The following CDH13 variants were observed in gnomAD, a reference collection of about 807,000 sequenced individuals.
CDH13 encodes the protein cadherin 13.
A neutral mutation model predicts 63.8 loss-of-function variants in CDH13; 24 were observed. The ratio of observed to expected loss-of-function variants is 0.38; its 90% CI spans 0.27 to 0.53. The LOEUF is 0.53. CDH13 is among the 20% of genes least tolerant of loss of function. CDH13 has a pLI of 0.85. For synonymous variants in CDH13, 503 were observed against 355.3 expected (o/e 1.42, Z -4.67); for missense variants, 1,049 against 903.1 (o/e 1.16, Z -2.07).
intron 5 of CDH13, among the ~76,000 whole-genome samples, chr16:83,232,273 T>C (rs2040020686): frequency 7.1e-6 from 1 of 140,902 alleles, no homozygotes; most frequent in African/African-American, 2.6e-5. Context: ...GCCTGTAATC[T>C]GAGTGCCTTG....
At chr16:82,911,367 C>T (rs1287332829) in intron 2 of CDH13, among the ~76,000 whole-genome samples, 1 of 152,150 alleles carries the variant, frequency 6.6e-6, no homozygotes, top group Non-Finnish European at 1.5e-5. Flanking sequence ...CATGCCTCTC[C>T]CCTCATCACA....
intron 7 of CDH13, among the ~76,000 whole-genome samples, chr16:83,531,123 C>G (rs551279194): frequency 2.4e-4 from 36 of 152,318 alleles, no homozygotes; most frequent in African/African-American, 8.2e-4. Context: ...CAACTGCCAC[C>G]ACCATGGTAG....
intron 6 of CDH13, among the ~76,000 whole-genome samples, chr16:83,418,461 G>A (rs2151466670): frequency 6.6e-6 from 1 of 152,172 alleles, no homozygotes; most frequent in Middle Eastern, 3.4e-3. Flanking sequence ...AAAATAAAAT[G>A]TCAGACTTTC....
chr16:83,206,640 A>T (rs1159256840), intron 4 of CDH13, among the ~76,000 whole-genome samples: 3 of 152,268 alleles, frequency 2.0e-5, no homozygotes, highest in African/African-American at 4.8e-5. Context: ...GAATACAATC[A>T]GACGTGGCCA....
intron 4 of CDH13, among the ~76,000 whole-genome samples, chr16:83,205,264 A>T (rs1438847292): frequency 2.0e-5 from 3 of 152,206 alleles, no homozygotes; most frequent in Admixed American, 6.5e-5. Flanking sequence ...GAAATCAGAA[A>T]TTCAGAAAGA....
intron 7 of CDH13, among the ~76,000 whole-genome samples, chr16:83,499,990 A>C (rs1196559797): frequency 1.3e-5 from 2 of 151,924 alleles, no homozygotes; most frequent in African/African-American, 4.8e-5. Flanking sequence ...TTTAGTAGAG[A>C]TGGGGTTTCA....
At chr16:83,684,663 TCTGCCTACACTTTGAATATAGAAG>T (rs1277615358) in intron 10 of CDH13, among the ~76,000 whole-genome samples, 1 of 152,232 alleles carries the variant, frequency 6.6e-6, no homozygotes, top group African/African-American at 2.4e-5. Flanking sequence ...AGCAGAGACT[TCTGCCTACACTTTGAATATAGAAG>T]ATATGTGTTG....
chr16:83,570,059 C>T (rs1287508911), intron 7 of CDH13, among the ~76,000 whole-genome samples: 2 of 152,082 alleles, frequency 1.3e-5, no homozygotes. Context: ...TTAAACTGAT[C>T]ATCATCCATT....
intron 11 of CDH13, among the ~76,000 whole-genome samples, chr16:83,764,725 GCA>G (rs1914248740): frequency 7.2e-6 from 1 of 138,138 alleles, no homozygotes; most frequent in South Asian, 2.6e-4. Flanking sequence ...CTTTACTCTT[GCA>G]TCCTGCCTGC....
At chr16:83,172,911 C>T (rs1156874544) in intron 4 of CDH13, among the ~76,000 whole-genome samples, 1 of 152,086 alleles carries the variant, frequency 6.6e-6, no homozygotes, top group Non-Finnish European at 1.5e-5. Flanking sequence ...GTATAATGAA[C>T]TGAAGTCAAA....
chr16:82,906,843 G>A (rs2041663257), intron 2 of CDH13, among the ~76,000 whole-genome samples: 1 of 152,208 alleles, frequency 6.6e-6, no homozygotes, highest in Non-Finnish European at 1.5e-5. Flanking sequence ...TGCTTCCATT[G>A]TCTCATGACC....
At position 82,809,323 on chromosome 16, in the gene CDH13, A is replaced by C. The variant is rs979908602; in HGVS notation, c.46-49039A>C. On this transcript the variant is annotated intron_variant, in intron 1 of 13. Transcript: ENST00000567109. ...CAAGTTATTTACGTCCAAAAAAAAA[A>C]AATCACTGTAAATGAAAAATGAGTA... Among the ~76,000 whole-genome samples the C allele has an allele frequency of 2.6e-5, 4 of 151,950 alleles. No individual in the cohort carries two copies. In the East Asian group the frequency reaches 7.7e-4, roughly 29 times the overall value.
chr16:82,937,164 G>A (rs1029907158), intron 2 of CDH13, among the ~76,000 whole-genome samples: 39 of 152,230 alleles, frequency 2.6e-4, no homozygotes, highest in Middle Eastern at 3.4e-3. Context: ...GGGTGGTCAC[G>A]CTACTGCTGC....
Position 83,126,212 on chromosome 16 carries a change from C to T in CDH13, c.483+711C>T, listed in dbSNP as rs556343184. On this transcript the variant is annotated intron_variant, in intron 4 of 13. Transcript: ENST00000567109. ...TTCTCAGCAAGGCAATTTACTTCTG[C>T]GGAAGGGTGCTGCTTGTACTTCTGG... Among the ~76,000 whole-genome samples, 117 of 152,258 alleles carry T rather than the reference C, an allele frequency of 7.7e-4. 2 individuals are homozygous for T. In the South Asian group the frequency reaches 0.021, roughly 27 times the overall value.
At chr16:83,162,330 G>A (rs2037483704) in intron 4 of CDH13, among the ~76,000 whole-genome samples, 1 of 152,000 alleles carries the variant, frequency 6.6e-6, no homozygotes, top group Admixed American at 6.6e-5. Flanking sequence ...GATGATGAAA[G>A]CATCATCATG....
At chr16:83,017,323 AC>A (rs531231488) in intron 2 of CDH13, among the ~76,000 whole-genome samples, 109 of 152,202 alleles carry the variant, frequency 7.2e-4, no homozygotes, top group Non-Finnish European at 1.4e-3. Context: ...CCATTTTGAC[AC>A]CTTTTTTAGC....
chr16:83,441,709 A>T (rs190849304), intron 6 of CDH13, among the ~76,000 whole-genome samples: 7 of 152,178 alleles, frequency 4.6e-5, no homozygotes, highest in African/African-American at 1.7e-4. Context: ...AAATGACTTC[A>T]TTTCCCTGAA....
chr16:82,678,300 G>T (rs1293419687), intron 1 of CDH13, among the ~76,000 whole-genome samples: 3 of 147,352 alleles, frequency 2.0e-5, no homozygotes, highest in African/African-American at 7.5e-5. Flanking sequence ...AAATGCAAAT[G>T]CATGGCATAC....
At chr16:83,691,130 G>A (rs1426536058) in intron 10 of CDH13, among the ~76,000 whole-genome samples, 1 of 151,418 alleles carries the variant, frequency 6.6e-6, no homozygotes, top group Admixed American at 6.6e-5. Context: ...CAGAGAGAGA[G>A]AGAGAGGAAT....
Sources: gnomAD v4.1 joint callset for allele counts (sites outside exome capture counted in the v4.1 genomes callset) on GRCh38, gnomAD v4.1.1 for gene constraint, MANE v1.5 for transcripts, NCBI Gene and HGNC (gene_info 2026-07-23, HGNC 2026-07-21) for gene names.